Variants in FOXP2 observed in about 807,000 individuals in gnomAD.
The protein encoded by FOXP2 is forkhead box protein P2.
Under a neutral mutation model 115.8 loss-of-function variants are expected in FOXP2, and 12 were observed. That is an observed-to-expected ratio of 0.10 (90% CI 0.07 to 0.17). The LOEUF (loss-of-function observed/expected upper bound fraction) is 0.17. Among genes scored for constraint, FOXP2 ranks in the 10% least tolerant of loss-of-function variants. The pLI, the probability that FOXP2 is intolerant of heterozygous loss-of-function variation, is 1.00. For missense variants in FOXP2, 629 were observed against 843.5 expected, an observed-to-expected ratio of 0.75 and a Z score of 3.15; for synonymous variants, 328 against 297.7, an observed-to-expected ratio of 1.10 and a Z score of -1.05.
intron 10 of FOXP2, chr7:114,656,661 T>C (rs1806607559): frequency 4.7e-6 from 1 of 213,906 alleles, no homozygotes; most frequent in South Asian, 4.9e-5. Flanking sequence ...CAGTTTGTGG[T>C]TTATTGGGAA....
chr7:114,466,913 A>C (rs1046965362), intron 2 of FOXP2, among the ~76,000 whole-genome samples: 3 of 152,220 alleles, frequency 2.0e-5, no homozygotes, highest in African/African-American at 7.2e-5. Flanking sequence ...GAAATTGTAA[A>C]TATAACACCT....
intron 3 of FOXP2, among the ~76,000 whole-genome samples, chr7:114,556,719 A>G (rs1584891350): frequency 1.3e-5 from 2 of 152,236 alleles, no homozygotes; most frequent in South Asian, 2.1e-4. Context: ...CTATGAAAGC[A>G]TAATACCCTA....
At chr7:114,362,936 A>T (rs1034895994) in intron 2 of FOXP2, among the ~76,000 whole-genome samples, 3 of 152,070 alleles carry the variant, frequency 2.0e-5, no homozygotes, top group African/African-American at 7.2e-5. Flanking sequence ...ACTGGAAGAG[A>T]AGTCTATAAT....
At chr7:114,547,942 T>C (rs1458972978) in intron 3 of FOXP2, among the ~76,000 whole-genome samples, 1 of 152,210 alleles carries the variant, frequency 6.6e-6, no homozygotes, top group Non-Finnish European at 1.5e-5. Flanking sequence ...CTATGAAGTT[T>C]ATTAGCTACT....
chr7:114,293,050 G>A (rs928888487), intron 2 of FOXP2, among the ~76,000 whole-genome samples: 2 of 152,054 alleles, frequency 1.3e-5, no homozygotes, highest in African/African-American at 2.4e-5. Context: ...GGAAAAACAC[G>A]AATCACTGGA....
At chr7:114,246,567 T>C (rs1156615623) in intron 1 of FOXP2, among the ~76,000 whole-genome samples, 1 of 152,212 alleles carries the variant, frequency 6.6e-6, no homozygotes, top group African/African-American at 2.4e-5. Flanking sequence ...GTACATATTA[T>C]AGATTAGTAA....
At chr7:114,409,227 C>A (rs1365665968) in intron 2 of FOXP2, among the ~76,000 whole-genome samples, 1 of 151,992 alleles carries the variant, frequency 6.6e-6, no homozygotes, top group Non-Finnish European at 1.5e-5. Flanking sequence ...ATTAAAATTT[C>A]TCATTTGAAA....
chr7:114,280,957 C>CT (rs1417954899), intron 1 of FOXP2, among the ~76,000 whole-genome samples: 6 of 152,102 alleles, frequency 3.9e-5, no homozygotes, highest in Non-Finnish European at 7.4e-5. Flanking sequence ...TTACTACATG[C>CT]TTAACCTGTC....
chr7:114,572,189 A>C (rs1801338832), intron 3 of FOXP2, among the ~76,000 whole-genome samples: 1 of 151,754 alleles, frequency 6.6e-6, no homozygotes, highest in Non-Finnish European at 1.5e-5. Flanking sequence ...ATACAAAATA[A>C]ACTCAAAAGT....
intron 2 of FOXP2, among the ~76,000 whole-genome samples, chr7:114,445,205 TGG>T (rs1318961229): frequency 6.6e-6 from 1 of 152,180 alleles, no homozygotes; most frequent in African/African-American, 2.4e-5. Flanking sequence ...TGCTGTACTT[TGG>T]ATTATCTGTG....
At chr7:114,183,057 T>G (rs1317555245) in intron 1 of FOXP2, among the ~76,000 whole-genome samples, 2 of 152,106 alleles carry the variant, frequency 1.3e-5, no homozygotes, top group Non-Finnish European at 2.9e-5. Context: ...GCAGGGATCA[T>G]CAGAATTGAG....
chr7:114,477,333 A>G (rs1053299710), intron 2 of FOXP2, among the ~76,000 whole-genome samples: 1 of 152,032 alleles, frequency 6.6e-6, no homozygotes, highest in East Asian at 1.9e-4. Flanking sequence ...AGCCATAAAA[A>G]TGAATGAAAT....
At chr7:114,135,943 GT>G (rs897703609) in intron 1 of FOXP2, among the ~76,000 whole-genome samples, 7 of 151,916 alleles carry the variant, frequency 4.6e-5, no homozygotes, top group East Asian at 1.9e-4. Flanking sequence ...ACGTAATTAT[GT>G]TTTTTTCATG....
chr7:114,350,142 TATTTTA>T (rs1446979620), intron 2 of FOXP2, among the ~76,000 whole-genome samples: 4 of 152,262 alleles, frequency 2.6e-5, no homozygotes, highest in Admixed American at 2.6e-4. Context: ...TTTTTATTTT[TATTTTA>T]CTTTAAGTTC....
Position 114,295,877 on chromosome 7 carries a change from G to A in FOXP2, c.-11+7768G>A, listed in dbSNP as rs1796731772. Among the ~76,000 whole-genome samples, 4 of 151,920 alleles carry A rather than the reference G, an allele frequency of 2.6e-5. No individual in the cohort carries two copies. The South Asian group carries it at 8.3e-4, about 32-fold the overall frequency. On this transcript the variant is annotated intron_variant, in intron 2 of 17. Transcript: ENST00000634411. ...TTTAGCTGCAGCTCACAGCACAGTA[G>A]GTCTAATTTAGATTGACTCCTTTGC...
intron 1 of FOXP2, among the ~76,000 whole-genome samples, chr7:114,236,357 A>T (rs953538441): frequency 2.0e-5 from 3 of 152,214 alleles, no homozygotes; most frequent in African/African-American, 7.2e-5. Flanking sequence ...ATATTCATTT[A>T]TAATAGTGGA....
At chr7:114,571,000 C>A in intron 3 of FOXP2, 1 of 863,434 alleles carries the variant, frequency 1.2e-6, no homozygotes, top group Non-Finnish European at 2.0e-6. Flanking sequence ...TGCAGATAAT[C>A]AAGATACAAA....
intron 16 of FOXP2, chr7:114,664,752 G>C: frequency 2.7e-6 from 1 of 366,608 alleles, no homozygotes; most frequent in Non-Finnish European, 5.1e-6. Flanking sequence ...AGGTTGGTTT[G>C]TATGGTGCAA....
chr7:114,567,298 A>G (rs1801073515), intron 3 of FOXP2, among the ~76,000 whole-genome samples: 1 of 152,120 alleles, frequency 6.6e-6, no homozygotes, highest in African/African-American at 2.4e-5. Context: ...ACAATTGAAC[A>G]TATTTAATAA....
Sources: allele counts gnomAD v4.1 joint callset (sites outside exome capture counted in the v4.1 genomes callset), GRCh38; gene constraint gnomAD v4.1.1; transcripts MANE v1.5; gene names NCBI Gene and HGNC (gene_info 2026-07-23, HGNC 2026-07-21).